FBXO10: variants seen among roughly 807,000 people sequenced by gnomAD.
FBXO10 encodes the protein F-box only protein 10.
FBXO10 carries 39 observed loss-of-function variants against 80.7 expected under a neutral mutation model. That is an observed-to-expected ratio of 0.48 (90% CI 0.37 to 0.63). FBXO10 has a LOEUF of 0.63. Ranked by LOEUF, FBXO10 falls within the 30% of genes least tolerant of loss-of-function variation. The pLI is 0.00. For missense variants in FBXO10, 1,025 were observed against 1,269.0 expected, an observed-to-expected ratio of 0.81 and a Z score of 2.92; for synonymous variants, 449 against 489.6, an observed-to-expected ratio of 0.92 and a Z score of 1.09.
chr9:37,527,062 G>A (rs983607505), intron 5 of FBXO10, among the ~76,000 whole-genome samples: 5 of 151,970 alleles, frequency 3.3e-5, no homozygotes, highest in African/African-American at 1.2e-4. Context: ...TGTTGGCCAG[G>A]CTGATCTCGA....
At chr9:37,515,652 A>T in intron 10 of FBXO10, 1 of 393,446 alleles carries the variant, frequency 2.5e-6, no homozygotes, top group Non-Finnish European at 4.5e-6. Context: ...GCCCAAGGTC[A>T]CACAGCCAGT....
intron 10 of FBXO10, among the ~76,000 whole-genome samples, chr9:37,513,870 G>A (rs1374118122): frequency 2.0e-5 from 3 of 152,164 alleles, no homozygotes; most frequent in Non-Finnish European, 2.9e-5. Flanking sequence ...GATTACAGGC[G>A]TGAGCCACCG....
intron 5 of FBXO10, among the ~76,000 whole-genome samples, chr9:37,528,544 T>A (rs1303678661): frequency 6.6e-6 from 1 of 152,186 alleles, no homozygotes; most frequent in Non-Finnish European, 1.5e-5. Context: ...CTGACTCTGA[T>A]GCTACCTCCT....
chr9:37,568,169 C>T (rs1822657111), intron 1 of FBXO10, among the ~76,000 whole-genome samples: 1 of 152,134 alleles, frequency 6.6e-6, no homozygotes, highest in African/African-American at 2.4e-5. Flanking sequence ...TACAAGCAAA[C>T]AAATCCTGAC....
intron 1 of FBXO10, among the ~76,000 whole-genome samples, chr9:37,569,102 C>T (rs923299155): frequency 6.6e-5 from 10 of 151,860 alleles, no homozygotes; most frequent in Non-Finnish European, 1.5e-5. Flanking sequence ...TTAAAACTTC[C>T]TTATAAGTTT....
intron 10 of FBXO10, 63 bp downstream of exon 10, chr9:37,515,841 T>C: frequency 1.3e-6 from 2 of 1,542,954 alleles, no homozygotes; most frequent in South Asian, 2.4e-5. Flanking sequence ...GGTGTGGGCC[T>C]GGCTTCTTCA....
At position 37,525,150 on chromosome 9, in the gene FBXO10, G is replaced by A. The variant is rs759470791; in HGVS notation, c.1729C>T (p.Arg577Cys). The change falls in exon 6 of 11, where the codon CGT becomes TGT. Residue 577 changes from arginine to cysteine, a missense_variant. This residue lies in a region of FBXO10 where 478 missense variants were observed against 667.8 expected (regional missense o/e 0.72). Transcript: ENST00000432825. ...VVSGNHIFKG[R>C]AAGIAVNENG... ...TCATTCACTGCTATGCCGGCAGCACGGCCCTTGAAGATGTGGTTCCCGCTA... is the reference window on the plus strand; with the variant it reads ...TCATTCACTGCTATGCCGGCAGCACAGCCCTTGAAGATGTGGTTCCCGCTA... 3 of 1,563,784 alleles carry A rather than the reference G, an allele frequency of 1.9e-6. No individual in the cohort carries two copies. The highest frequency in any genetic ancestry group is 2.4e-5 in the South Asian group (2 of 84,578).
chr9:37,548,494 A>C (rs1822113494), intron 1 of FBXO10, among the ~76,000 whole-genome samples: 1 of 152,110 alleles, frequency 6.6e-6, no homozygotes, highest in East Asian at 1.9e-4. Flanking sequence ...ATTTATTATC[A>C]TCTCTCCCCA....
intron 4 of FBXO10, among the ~76,000 whole-genome samples, chr9:37,530,579 G>A (rs981837081): frequency 6.6e-6 from 1 of 152,244 alleles, no homozygotes; most frequent in Non-Finnish European, 1.5e-5. Flanking sequence ...ACAGTGAGGG[G>A]AAGGGGTTGG....
At chr9:37,519,149 T>C (rs2119055150) in intron 8 of FBXO10, among the ~76,000 whole-genome samples, 1 of 152,264 alleles carries the variant, frequency 6.6e-6, no homozygotes, top group South Asian at 2.1e-4. Context: ...GACCTCGTGA[T>C]CCACCTGCCT....
In FBXO10 at chr9:37,539,197, C is replaced by T. The variant is rs57858305; in HGVS notation, c.586-1254G>A. Among the ~76,000 whole-genome samples, 804 of 152,280 alleles carry T rather than the reference C, an allele frequency of 5.3e-3. 15 individuals carry two copies. The highest frequency in any genetic ancestry group is 0.017 in the African/African-American group (721 of 41,558). ...TAGATTGTCCCAGAATTTAAGCCCC[C>T]TTAACTTTTCTAATTTCTTCCTTAT... On this transcript the variant is annotated intron_variant, in intron 2 of 10. Coordinates refer to ENST00000432825, the MANE Select transcript of FBXO10 (RefSeq NM_012166.3).
chr9:37,517,097 A>G (rs12343493), intron 9 of FBXO10, among the ~76,000 whole-genome samples: 9,182 of 152,290 alleles, frequency 0.06, 722 homozygotes, highest in African/African-American at 0.18. Flanking sequence ...AGTAACTCAG[A>G]AACGGAAAAC....
chr9:37,558,790 T>C (rs1439843641), intron 1 of FBXO10, among the ~76,000 whole-genome samples: 4 of 151,518 alleles, frequency 2.6e-5, no homozygotes, highest in Non-Finnish European at 5.9e-5. Flanking sequence ...CTGCAGCTTA[T>C]AGAGATCAAG....
At chr9:37,559,955 C>G (rs184647637) in intron 1 of FBXO10, among the ~76,000 whole-genome samples, 1 of 152,338 alleles carries the variant, frequency 6.6e-6, no homozygotes, top group East Asian at 1.9e-4. Flanking sequence ...ATATGAAACT[C>G]TAAAGGGCAT....
In FBXO10 at chr9:37,515,893, C is replaced by A. The variant is rs778384809; in HGVS notation, c.2696+11G>T. 2 of 1,612,200 alleles carry A rather than the reference C, an allele frequency of 1.2e-6. No individual in the cohort carries two copies. Among genetic ancestry groups the A allele is most frequent in the East Asian group, 4.5e-5 (2 of 44,864 alleles). ...TCTAGAGGACTCGTTCAGGCAACCC[C>A]AAGCACTCACTTTTTCTTGAAGACC... On this transcript the variant is annotated intron_variant, in intron 10 of 10. Coordinates refer to ENST00000432825, the MANE Select transcript of FBXO10 (RefSeq NM_012166.3).
At chr9:37,524,499 C>A (rs1382805792) in intron 6 of FBXO10, among the ~76,000 whole-genome samples, 2 of 152,178 alleles carry the variant, frequency 1.3e-5, no homozygotes, top group African/African-American at 4.8e-5. Flanking sequence ...TTTGCGGAAT[C>A]CCTTTCATAT....
intron 3 of FBXO10, among the ~76,000 whole-genome samples, chr9:37,535,345 C>T (rs1197111398): frequency 3.4e-5 from 5 of 147,974 alleles, no homozygotes; most frequent in African/African-American, 1.1e-4. Flanking sequence ...GGTGACACTT[C>T]TTTTTTTTTA....
intron 9 of FBXO10, among the ~76,000 whole-genome samples, chr9:37,517,459 G>T (rs1372992628): frequency 1.5e-5 from 2 of 137,572 alleles, no homozygotes; most frequent in African/African-American, 5.5e-5. Flanking sequence ...ATAGAAAGGT[G>T]CTCAGAGCTC....
In FBXO10 at chr9:37,512,723, T is replaced by C; in HGVS notation, c.2697-2A>G. ...TTCACCAGGCGCCACGTATCAGACC[T>C]GGAGGTGCAAAACGAAAGTCAGTGA... is the stretch of plus-strand genomic sequence containing the variant. On this transcript the variant is annotated splice_acceptor_variant, in intron 10 of 10. Coordinates refer to ENST00000432825, the MANE Select transcript of FBXO10 (RefSeq NM_012166.3). LOFTEE classifies it high-confidence loss of function. 1.2e-6 allele frequency: 2 copies of C among 1,612,404 alleles called. No individual in the cohort carries two copies. Among genetic ancestry groups the C allele is most frequent in the Non-Finnish European group, 1.7e-6 (2 of 1,178,838 alleles).
Sources: allele counts gnomAD v4.1 joint callset (sites outside exome capture counted in the v4.1 genomes callset), GRCh38; gene constraint gnomAD v4.1.1; regional missense constraint gnomAD v4.1.1; transcripts MANE v1.5; gene names NCBI Gene and HGNC (gene_info 2026-07-23, HGNC 2026-07-21).